Variants in CCNI observed in about 807,000 individuals in gnomAD.
The protein encoded by CCNI is cyclin I.
Under a neutral mutation model 34.1 loss-of-function variants are expected in CCNI, and 14 were observed. That is an observed-to-expected ratio of 0.41 (90% CI 0.27 to 0.64). The LOEUF (loss-of-function observed/expected upper bound fraction) is 0.64, where lower values mean the gene tolerates loss of function less well. Ranked by LOEUF, CCNI falls within the 30% of genes least tolerant of loss-of-function variation. The probability of loss-of-function intolerance (pLI) is 0.31; values close to 1 mark genes in which losing one functional copy is unlikely to be tolerated. For missense variants in CCNI, 385 were observed against 440.5 expected, an observed-to-expected ratio of 0.87 and a Z score of 1.13; for synonymous variants, 154 against 158.4, an observed-to-expected ratio of 0.97 and a Z score of 0.21.
intron 1 of CCNI, among the ~76,000 whole-genome samples, chr4:77,067,677 T>G (rs990876234): frequency 6.7e-6 from 1 of 150,270 alleles, no homozygotes; most frequent in Non-Finnish European, 1.5e-5. Flanking sequence ...GTTTTTTTTT[T>G]TTTTTGTAGA....
At chr4:77,056,591 T>A in intron 3 of CCNI, 3 of 235,624 alleles carry the variant, frequency 1.3e-5, no homozygotes, top group Non-Finnish European at 2.4e-5. Context: ...GCTAACTTTT[T>A]TTTTTTTTTT....
intron 1 of CCNI, among the ~76,000 whole-genome samples, chr4:77,071,868 T>C (rs1372941041): frequency 1.2e-4 from 18 of 152,260 alleles, no homozygotes; most frequent in Admixed American, 3.3e-4. Context: ...AAGCTGAGTA[T>C]TTGTAAAACC....
chr4:77,048,654 G>C lies in CCNI; in HGVS notation c.699C>G (p.Ser233Arg). Residue 233 changes from serine to arginine, a missense_variant, in exon 7 of 7, where the codon AGC becomes AGG. Coordinates refer to ENST00000237654, the MANE Select transcript of CCNI (RefSeq NM_006835.3). Reference protein sequence around the residue: ...IELLQKAQMDSSQLIHCRELV... With the variant: ...IELLQKAQMDRSQLIHCRELV... ...GCTCCCGACAATGGATCAACTGGGA[G>C]CTATCCATCTGGGCCAGGAAAAAAA... 6.6e-7 allele frequency: 1 copy of C among 1,524,224 alleles called. No homozygotes were observed. The highest frequency in any genetic ancestry group is 1.3e-5 in the South Asian group (1 of 76,586). 94.4% of individuals were successfully genotyped at this position (1,524,224 alleles called of 1,614,324 possible).
intron 4 of CCNI, 38 bp downstream of exon 4, chr4:77,056,211 T>A (rs1399503874): frequency 6.3e-7 from 1 of 1,598,140 alleles, no homozygotes; most frequent in Admixed American, 1.7e-5. Context: ...GGAGAGAAAT[T>A]TTCACGGAAG....
At position 77,058,552 on chromosome 4, in the gene CCNI, A is replaced by G. The variant is rs761443579; in HGVS notation, c.198T>C (p.Phe66=). 6.2e-7 allele frequency: 1 copy of G among 1,613,586 alleles called. No individual in the cohort carries two copies. The highest frequency in any genetic ancestry group is 8.5e-7 in the Non-Finnish European group (1 of 1,179,546). ...TATCCAAAAGACTGCTAGCCAGAGC[A>G]AATGTTTCTGGGTAAAGGTTGAATT... is the stretch of plus-strand genomic sequence containing the variant. ...KYQFNLYPET[F]ALASSLLDRF... The change falls in exon 3 of 7, where the codon TTT becomes TTC. Residue 66 remains phenylalanine (F), a synonymous_variant. Transcript: ENST00000237654.
At chr4:77,053,175 T>C (rs964457043) in intron 6 of CCNI, among the ~76,000 whole-genome samples, 2 of 152,188 alleles carry the variant, frequency 1.3e-5, no homozygotes, top group Non-Finnish European at 2.9e-5. Flanking sequence ...TCTGGGATTG[T>C]GTGTGTACAA....
intron 5 of CCNI, among the ~76,000 whole-genome samples, chr4:77,055,679 C>A (rs1728172271): frequency 6.6e-6 from 1 of 152,114 alleles, no homozygotes; most frequent in African/African-American, 2.4e-5. Context: ...GTTGGCCAGG[C>A]TGGTCTCAAA....
In CCNI at chr4:77,052,843, T is replaced by C. The variant is rs4252918; in HGVS notation, c.690+2307A>G. On this transcript the variant is annotated intron_variant, in intron 6 of 6. Coordinates refer to ENST00000237654, the MANE Select transcript of CCNI (RefSeq NM_006835.3). ...AAAACAGAAATGAGTCCTAAAGAAC[T>C]AGGAGCCATCCATGTTTGGACCACA... is the stretch of plus-strand genomic sequence containing the variant. Among the ~76,000 whole-genome samples, 363 of 152,202 alleles carry C rather than the reference T, an allele frequency of 2.4e-3. 2 individuals are homozygous for C. Among genetic ancestry groups the C allele is most frequent in the African/African-American group, 8.3e-3 (346 of 41,522 alleles).
intron 2 of CCNI, among the ~76,000 whole-genome samples, chr4:77,063,553 T>A (rs946881060): frequency 2.6e-5 from 4 of 151,230 alleles, no homozygotes; most frequent in African/African-American, 4.8e-5. Flanking sequence ...AGCCGGGCGT[T>A]GTGGCGGGCG....
Position 77,062,007 on chromosome 4 carries a change from TTC to T in CCNI, c.115-3374_115-3373del, listed in dbSNP as rs1728640053. Among the ~76,000 whole-genome samples the T allele has an allele frequency of 3.9e-5, 6 of 152,224 alleles. No homozygotes were observed. In the South Asian group the frequency reaches 1.2e-3, roughly 32 times the overall value. The stretch of plus-strand genomic sequence containing the variant: ...CTAACCTCGGACATCTTCCATCACT[TTC>T]TGTCTTAAACTTCATGCTGTAATAG... On this transcript the variant is annotated intron_variant, in intron 2 of 6. Transcript: ENST00000237654.
chr4:77,075,144 CG>C (rs1729808025), intron 1 of CCNI: 3 of 152,080 alleles, frequency 2.0e-5, no homozygotes, highest in African/African-American at 7.2e-5. Flanking sequence ...AACACGGGCT[CG>C]TAGAGCCTCC....
At chr4:77,056,127 G>A (rs980671768) in intron 4 of CCNI, 25 bp from the exon 5 acceptor site, 64 of 1,609,590 alleles carry the variant, frequency 4.0e-5, no homozygotes, top group Non-Finnish European at 5.4e-5. Context: ...GGGGAACAGG[G>A]ACAGGGAGAA....
chr4:77,048,412 C>T lies in CCNI; in HGVS notation c.941G>A (p.Ser314Asn). The change falls in exon 7 of 7, where the codon AGT (serine) becomes AAT (asparagine). Residue 314 changes from serine (S) to asparagine (N), a missense_variant. Physicochemically the swap from Ser to Asn is conservative, Grantham distance 46 (BLOSUM62 1). Coordinates refer to ENST00000237654, the MANE Select transcript of CCNI (RefSeq NM_006835.3). ...TTTAGTAGAGGTCTGCTTGCACCCACTGGCAGCTGGGAGATGATGGTAAAA... is the reference window on the plus strand; with the variant it reads ...TTTAGTAGAGGTCTGCTTGCACCCATTGGCAGCTGGGAGATGATGGTAAAA... Reference protein sequence around the residue: ...AAFYHHLPAASGCKQTSTKRK... With the variant: ...AAFYHHLPAANGCKQTSTKRK... 6.2e-7 allele frequency: 1 copy of T among 1,614,150 alleles called. No individual in the cohort carries two copies. The highest frequency in any genetic ancestry group is 8.5e-7 in the Non-Finnish European group (1 of 1,180,012).
chr4:77,073,075 A>G (rs1204125811), intron 1 of CCNI, among the ~76,000 whole-genome samples: 2 of 152,208 alleles, frequency 1.3e-5, no homozygotes, highest in Non-Finnish European at 1.5e-5. Flanking sequence ...TTTTAACAGA[A>G]CTATATAGTT....
intron 2 of CCNI, chr4:77,064,578 C>CGT (rs1163851048): frequency 1.8e-5 from 2 of 112,852 alleles, no homozygotes; most frequent in Non-Finnish European, 3.6e-5. Flanking sequence ...CACACATGCG[C>CGT]GCGCGCGCAC....
intron 2 of CCNI, among the ~76,000 whole-genome samples, chr4:77,065,468 G>A (rs1168580534): frequency 6.6e-6 from 1 of 152,186 alleles, no homozygotes; most frequent in Non-Finnish European, 1.5e-5. Flanking sequence ...GAAAAACTAT[G>A]CAGCTAACAG....
intron 1 of CCNI, among the ~76,000 whole-genome samples, chr4:77,070,017 CTT>C (rs569456948): frequency 2.4e-4 from 31 of 131,442 alleles, no homozygotes; most frequent in Admixed American, 4.7e-4. Context: ...AAATCATGGG[CTT>C]TTTTTTTTTT....
intron 1 of CCNI, among the ~76,000 whole-genome samples, chr4:77,073,319 A>C (rs1046654041): frequency 2.8e-4 from 43 of 152,246 alleles, no homozygotes; most frequent in Admixed American, 6.5e-4. Context: ...ACTGTACAGC[A>C]TAACTATTAC....
At chr4:77,055,887 G>C in intron 5 of CCNI, 75 bp downstream of exon 5, 1 of 1,211,800 alleles carries the variant, frequency 8.3e-7, no homozygotes, top group Non-Finnish European at 1.2e-6. Context: ...AAATAAATGA[G>C]TAGGCAATCT....
Sources: allele counts gnomAD v4.1 joint callset (sites outside exome capture counted in the v4.1 genomes callset), GRCh38; gene constraint gnomAD v4.1.1; transcripts MANE v1.5; gene names NCBI Gene and HGNC (gene_info 2026-07-23, HGNC 2026-07-21).